Variants in ARFGAP1 observed in about 807,000 individuals in gnomAD.
ARFGAP1 encodes the protein ADP-ribosylation factor GTPase-activating protein 1.
ARFGAP1 carries 26 observed loss-of-function variants against 54.0 expected under a neutral mutation model. The observed-to-expected ratio is 0.48, with a 90% CI of 0.35 to 0.67. The LOEUF (loss-of-function observed/expected upper bound fraction) is 0.67. ARFGAP1 is among the 30% of genes least tolerant of loss of function. ARFGAP1 has a pLI of 0.00. For synonymous variants in ARFGAP1, 248 were observed against 211.9 expected (o/e 1.17, Z -1.48); for missense variants, 525 against 535.8 (o/e 0.98, Z 0.20).
chr20:63,274,310 G>GGCCCCC (rs1568728097), intron 1 of ARFGAP1: 1 of 4,132 alleles, frequency 2.4e-4, no homozygotes, highest in Non-Finnish European at 1.4e-3. Context: ...GTGGAGTTGG[G>GGCCCCC]ACCCCCCCCC....
At chr20:63,281,219 T>G in intron 7 of ARFGAP1, 72 bp from the exon 8 acceptor site, 1,204 of 1,463,610 alleles carry the variant, frequency 8.2e-4, no homozygotes, top group Non-Finnish European at 1.0e-3. Flanking sequence ...TCTTCCTTGC[T>G]GAGATACTCT....
At position 63,285,716 on chromosome 20, in the gene ARFGAP1, A is replaced by G; in HGVS notation, c.834+3A>G. On this transcript the variant is annotated splice_donor_region_variant and intron_variant, in intron 11 of 12. Coordinates refer to ENST00000370283, the MANE Select transcript of ARFGAP1 (RefSeq NM_018209.4). ...GGGTCTCTCAGTTGGCGTCCAAGGT[A>G]GGGAGCCTGCCAGATACGCGGGCAC... is the stretch of plus-strand genomic sequence containing the variant. The G allele has an allele frequency of 6.2e-7, 1 of 1,613,340 alleles. No individual in the cohort carries two copies. Among genetic ancestry groups the G allele is most frequent in the South Asian group, 1.1e-5 (1 of 91,088 alleles).
At chr20:63,285,575 C>T (rs1053107662) in intron 10 of ARFGAP1, 79 bp from the exon 11 acceptor site, 89 of 1,484,186 alleles carry the variant, frequency 6.0e-5, no homozygotes, top group East Asian at 2.0e-4. Flanking sequence ...TGCCCTCACC[C>T]GGGGGATTCC....
rs1264729958 is a variant in ARFGAP1, at chr20:63,276,603, C to G, written c.294C>G (p.Ser98=). ...AGGAGGATTACGATCCTTGCTGGTC[C>G]TTGCAGGAGAAGTACAACAGCAGAG... The part of the protein sequence containing the change: ...ESQEDYDPCW[S]LQEKYNSRAA... The change falls in exon 4 of 13, where the codon TCC becomes TCG. Residue 98 remains serine, a synonymous_variant. Coordinates refer to ENST00000370283, the MANE Select transcript of ARFGAP1 (RefSeq NM_018209.4). The surrounding 1 kb of genome is among the most constrained non-coding windows in gnomAD (Gnocchi z 5.2). 7 of 1,613,738 alleles carry G rather than the reference C, an allele frequency of 4.3e-6. No homozygotes were observed. In the South Asian group the frequency reaches 7.7e-5, roughly 18 times the overall value.
At chr20:63,284,466 C>A (rs894210414) in intron 9 of ARFGAP1, 1 of 1,111,426 alleles carries the variant, frequency 9.0e-7, no homozygotes, top group Non-Finnish European at 1.1e-6. Flanking sequence ...CTCTTCCCTC[C>A]AGGGGGGACT....
In ARFGAP1 at chr20:63,288,190, C is replaced by T. The variant is rs1479585886; in HGVS notation, c.*317C>T. ...GCTGCAGCACAGAGGCCTGTGACTG[C>T]GTTCCAGCGGCCAGTTCACTACGCA... On this transcript the variant is annotated 3_prime_UTR_variant, in exon 13 of 13. Transcript: ENST00000370283. The T allele has an allele frequency of 8.8e-6, 5 of 568,050 alleles. No individual in the cohort carries two copies. Among genetic ancestry groups the T allele is most frequent in the East Asian group, 6.9e-5 (2 of 29,026 alleles). 35.2% of individuals were successfully genotyped at this position (568,050 alleles called of 1,614,324 possible). A position where few individuals can be genotyped will look rare whatever the true frequency, so the allele number is the denominator to read the frequency against.
In ARFGAP1 at chr20:63,288,327, G is replaced by C. The variant is rs563913277; in HGVS notation, c.*454G>C. On this transcript the variant is annotated 3_prime_UTR_variant, in exon 13 of 13. Transcript: ENST00000370283. ...TGCTCTAGTTCTTTCTTTTTGAAGA[G>C]AGTGACTGGAGTGGTAAAGATGGAA... 64 of 460,620 alleles carry C rather than the reference G, an allele frequency of 1.4e-4. No homozygotes were observed. The highest frequency in any genetic ancestry group is 4.0e-4 in the Admixed American group (17 of 42,682). 28.5% of individuals were successfully genotyped at this position (460,620 alleles called of 1,614,324 possible).
At chr20:63,283,159 C>T (rs545540371) in intron 9 of ARFGAP1, 169 of 468,266 alleles carry the variant, frequency 3.6e-4, no homozygotes, top group African/African-American at 2.7e-3. Flanking sequence ...TGGCAGATGG[C>T]CCACGCTGGC....
In ARFGAP1 at chr20:63,276,803, A is replaced by G; in HGVS notation, c.342+152A>G. On this transcript the variant is annotated intron_variant, in intron 4 of 12. Transcript: ENST00000370283. This position sits in a 1 kb window ranked among gnomAD's most constrained non-coding sequence, Gnocchi z 5.2. Reference sequence around the variant, plus strand: ...CACACACAACTTGCCGCCCTGGAGCAGAGGCTTCCTGCCCAGAGGGGAGGC... The same window carrying G: ...CACACACAACTTGCCGCCCTGGAGCGGAGGCTTCCTGCCCAGAGGGGAGGC... The G allele has an allele frequency of 2.2e-6, 2 of 895,242 alleles. No individual in the cohort carries two copies. Among genetic ancestry groups the G allele is most frequent in the Non-Finnish European group, 3.3e-6 (2 of 611,250 alleles). The allele number at this position is 895,242 out of a possible 1,614,324, so 55.5% of individuals were successfully genotyped here.
At chr20:63,284,308 A>G (rs958393811) in intron 9 of ARFGAP1, 1 of 1,076,492 alleles carries the variant, frequency 9.3e-7, no homozygotes, top group Non-Finnish European at 1.1e-6. Context: ...CCGGCCTTTG[A>G]TCCGTGCTGC....
At chr20:63,285,623 C>A in intron 10 of ARFGAP1, 31 bp from the exon 11 acceptor site, 1 of 1,609,268 alleles carries the variant, frequency 6.2e-7, no homozygotes, top group East Asian at 2.2e-5. Context: ...CTCTCCCGCC[C>A]CCATTAATGC....
Position 63,276,525 on chromosome 20 carries a change from T to C in ARFGAP1, c.216T>C (p.Leu72=), listed in dbSNP as rs2067241352. 6.2e-7 allele frequency: 1 copy of C among 1,613,924 alleles called. No homozygotes were observed. Residue 72 remains leucine (L), a synonymous_variant, in exon 4 of 13, where the codon CTT becomes CTC. Coordinates refer to ENST00000370283, the MANE Select transcript of ARFGAP1 (RefSeq NM_018209.4). This position sits in a 1 kb window ranked among gnomAD's most constrained non-coding sequence, Gnocchi z 5.2. ...VTMDKWKDIE[L]EKMKAGGNAK... is the part of the protein sequence containing the mutation. ...TGGACAAGTGGAAGGACATTGAGCT[T>C]GAGAAGATGAAAGCTGGTGGGAATG...
In ARFGAP1 at chr20:63,286,442, G is replaced by T; in HGVS notation, c.911G>T (p.Ser304Ile). 6.2e-7 allele frequency: 1 copy of T among 1,613,134 alleles called. No homozygotes were observed. Among genetic ancestry groups the T allele is most frequent in the Non-Finnish European group, 8.5e-7 (1 of 1,179,840 alleles). Residue 304 changes from serine (S) to isoleucine (I), a missense_variant and splice_region_variant, in exon 12 of 13, where the codon AGC (serine) becomes ATC (isoleucine). Coordinates refer to ENST00000370283, the MANE Select transcript of ARFGAP1 (RefSeq NM_018209.4). ...GGGAAAGCAGAGGGCCCCTTGGACA[G>T]GTATGCTGTGTCCCCTCCTGGGCCT... is the stretch of plus-strand genomic sequence containing the variant. The part of the protein sequence containing the change: ...FSGKAEGPLD[S>I]PSEGHSYQNS...
intron 5 of ARFGAP1, 59 bp from the exon 6 acceptor site, chr20:63,278,057 TG>T: frequency 1.3e-6 from 2 of 1,512,834 alleles, no homozygotes; most frequent in Non-Finnish European, 1.8e-6. Context: ...GGGGTGCTTC[TG>T]GGGTTACCTC....
rs752877009 is a variant in ARFGAP1, at chr20:63,285,648, G to T, written c.775-6G>T. The T allele has an allele frequency of 5.0e-6, 8 of 1,613,316 alleles. No homozygotes were observed. The highest frequency in any genetic ancestry group is 6.8e-6 in the Non-Finnish European group (8 of 1,179,910). Reference sequence around the variant, plus strand: ...CCCATTAATGCCGCTGTCTTCATCCGTGCAGGTGAAGGAGGGAAAGATTTT... The same window carrying T: ...CCCATTAATGCCGCTGTCTTCATCCTTGCAGGTGAAGGAGGGAAAGATTTT... On this transcript the variant is annotated splice_region_variant and splice_polypyrimidine_tract_variant and intron_variant, in intron 10 of 12. Transcript: ENST00000370283.
rs1477938909 is a variant in ARFGAP1, at chr20:63,276,354, G to C, written c.171-126G>C. The C allele has an allele frequency of 2.9e-6, 4 of 1,395,938 alleles. No individual in the cohort carries two copies. The highest frequency in any genetic ancestry group is 4.7e-5 in the East Asian group (2 of 42,804). 86.5% of individuals were successfully genotyped at this position (1,395,938 alleles called of 1,614,324 possible). A position where few individuals can be genotyped will look rare whatever the true frequency, so the allele number is the denominator to read the frequency against. On this transcript the variant is annotated intron_variant, in intron 3 of 12. Coordinates refer to ENST00000370283, the MANE Select transcript of ARFGAP1 (RefSeq NM_018209.4). This position sits in a 1 kb window ranked among gnomAD's most constrained non-coding sequence, Gnocchi z 5.2. ...AGTGACGCCATGGCACAGAGTTCCA[G>C]CTGCTGGCCACTCAGCCTCCCTGCG...
intron 6 of ARFGAP1, 121 bp downstream of exon 6, chr20:63,278,324 C>A: frequency 2.0e-6 from 2 of 997,668 alleles, no homozygotes; most frequent in South Asian, 1.3e-5. Context: ...CAGGCATGCG[C>A]GGTGCAGGGT....
At chr20:63,273,763 G>A (rs1022196861) in intron 1 of ARFGAP1, among the ~76,000 whole-genome samples, 2 of 152,212 alleles carry the variant, frequency 1.3e-5, no homozygotes, top group African/African-American at 4.8e-5. Flanking sequence ...CCCGAGGGCA[G>A]ACGTGGTGCT....
At chr20:63,285,572 A>G (rs1045199749) in intron 10 of ARFGAP1, 82 bp from the exon 11 acceptor site, 2 of 1,459,954 alleles carry the variant, frequency 1.4e-6, no homozygotes, top group Non-Finnish European at 1.9e-6. Flanking sequence ...GGATGCCCTC[A>G]CCCGGGGGAT....
Sources: allele counts gnomAD v4.1 joint callset (sites outside exome capture counted in the v4.1 genomes callset), GRCh38; gene constraint gnomAD v4.1.1; non-coding constraint Gnocchi (gnomAD v3.1); transcripts MANE v1.5; gene names NCBI Gene and HGNC (gene_info 2026-07-23, HGNC 2026-07-21).